SMO: variants seen among roughly 807,000 people sequenced by gnomAD.
SMO encodes the protein protein smoothened.
A neutral mutation model predicts 81.6 loss-of-function variants in SMO; 40 were observed. The ratio of observed to expected loss-of-function variants is 0.49; its 90% CI spans 0.38 to 0.64. The LOEUF (loss-of-function observed/expected upper bound fraction) is 0.64, where lower values mean the gene tolerates loss of function less well. SMO is among the 30% of genes least tolerant of loss of function. The pLI is 0.00. For missense variants in SMO, 916 were observed against 1,061.1 expected, an observed-to-expected ratio of 0.86 and a Z score of 1.90; for synonymous variants, 434 against 432.1, an observed-to-expected ratio of 1.00 and a Z score of -0.05.
rs570242755 is a variant in SMO at position 129,189,198 on chromosome 7, GGCTGCTGCT to G, written c.61_69del (p.Leu21_Leu23del). ...CGGGGGCCGGAGCTCCCGCTCCTGG[GGCTGCTGCT>G]GCTGCTGCTGCTGGGGGACCCGGGC... is the stretch of plus-strand genomic sequence containing the variant. On this transcript the variant is annotated inframe_deletion, in exon 1 of 12. Transcript: ENST00000249373. The surrounding 1 kb of genome is among the most constrained non-coding windows in gnomAD (Gnocchi z 4.7). The G allele has an allele frequency of 8.7e-7, 1 of 1,147,270 alleles. No homozygotes were observed. The highest frequency in any genetic ancestry group is 1.1e-6 in the Non-Finnish European group (1 of 913,998). 71.1% of individuals were successfully genotyped at this position (1,147,270 alleles called of 1,614,324 possible). A position where few individuals can be genotyped will look rare whatever the true frequency, so the allele number is the denominator to read the frequency against.
intron 1 of SMO, among the ~76,000 whole-genome samples, chr7:129,201,069 C>T (rs1028578856): frequency 6.6e-6 from 1 of 151,750 alleles, no homozygotes; most frequent in African/African-American, 2.4e-5. Context: ...TTTTTCGAGA[C>T]GGGGCCTTGC....
intron 1 of SMO, among the ~76,000 whole-genome samples, chr7:129,196,007 A>G (rs1409331424): frequency 1.3e-5 from 2 of 151,332 alleles, no homozygotes; most frequent in Non-Finnish European, 2.9e-5. Context: ...AGGCTGAGGC[A>G]GGAAAATGGT....
intron 1 of SMO, among the ~76,000 whole-genome samples, chr7:129,198,092 T>A (rs1793614186): frequency 6.6e-6 from 1 of 152,208 alleles, no homozygotes; most frequent in South Asian, 2.1e-4. Context: ...TATTTTGTTT[T>A]TAAGCTCAAG....
chr7:129,189,336 G>C lies in SMO; in HGVS notation c.185G>C (p.Ser62Thr). Residue 62 changes from serine (S) to threonine (T), a missense_variant, in exon 1 of 12, where the codon AGC becomes ACC. By Grantham distance (58) the Ser-to-Thr change is moderately conservative. Around this residue, in one of 4 missense-constraint regions of SMO, gnomAD observed 146 missense variants for 149.9 expected, o/e 0.97. Transcript: ENST00000249373. This position sits in a 1 kb window ranked among gnomAD's most constrained non-coding sequence, Gnocchi z 4.7. The stretch of plus-strand genomic sequence containing the variant: ...GTGACTGGCCCTCCGCCGCCGCTGA[G>C]CCACTGCGGCCGGGCTGCCCCCTGC... ...AAVTGPPPPL[S>T]HCGRAAPCEP... 1 of 1,515,762 alleles carries C rather than the reference G, an allele frequency of 6.6e-7. No homozygotes were observed. 93.9% of individuals were successfully genotyped at this position (1,515,762 alleles called of 1,614,324 possible). A position where few individuals can be genotyped will look rare whatever the true frequency, so the allele number is the denominator to read the frequency against.
In SMO at chr7:129,211,244, G is replaced by A. The variant is rs191561430; in HGVS notation, c.1801+131G>A. ...TGAGGAGCAAGGCGCTCCCTCCATC[G>A]CTCACACACCCATTCTTCCCCCGGC... On this transcript the variant is annotated intron_variant, in intron 10 of 11. Transcript: ENST00000249373. This position sits in a 1 kb window ranked among gnomAD's most constrained non-coding sequence, Gnocchi z 4.6. 14 of 975,384 alleles carry A rather than the reference G, an allele frequency of 1.4e-5. No individual in the cohort carries two copies. Among genetic ancestry groups the A allele is most frequent in the Non-Finnish European group, 2.0e-5 (13 of 637,872 alleles). 60.4% of individuals were successfully genotyped at this position (975,384 alleles called of 1,614,324 possible). A position where few individuals can be genotyped will look rare whatever the true frequency, so the allele number is the denominator to read the frequency against.
intron 1 of SMO, among the ~76,000 whole-genome samples, chr7:129,193,797 T>A (rs1365321908): frequency 4.5e-4 from 41 of 90,408 alleles, no homozygotes; most frequent in Non-Finnish European, 4.7e-4. Context: ...TATATATATA[T>A]ATATATATAT....
At position 129,204,218 on chromosome 7, in the gene SMO, A is replaced by C. The variant is rs975033320; in HGVS notation, c.537+629A>C. 2.6e-4 allele frequency among the ~76,000 whole-genome samples: 39 copies of C among 152,100 alleles called. 1 individual carries two copies. The highest frequency in any genetic ancestry group is 9.4e-4 in the African/African-American group (39 of 41,408). On this transcript the variant is annotated intron_variant, in intron 2 of 11. Transcript: ENST00000249373. Reference sequence around the variant, plus strand: ...TGTCATGGTGTGCGCCTGTAGTCCCAGCTACTCGGGAGGCTGAGACACGAG... The same window carrying C: ...TGTCATGGTGTGCGCCTGTAGTCCCCGCTACTCGGGAGGCTGAGACACGAG...
chr7:129,201,742 G>A (rs1279024563), intron 1 of SMO, among the ~76,000 whole-genome samples: 1 of 151,774 alleles, frequency 6.6e-6, no homozygotes, highest in Non-Finnish European at 1.5e-5. Flanking sequence ...GTGCAGTGGC[G>A]CCATCTCAGC....
chr7:129,196,534 A>T (rs1429440161), intron 1 of SMO, among the ~76,000 whole-genome samples: 1 of 152,102 alleles, frequency 6.6e-6, no homozygotes, highest in Admixed American at 6.6e-5. Context: ...AAAAAGAGAC[A>T]TCTTTACAAT....
In SMO at chr7:129,206,856, T is replaced by G. The variant is rs1169113741; in HGVS notation, c.1264+269T>G. 2.0e-5 allele frequency among the ~76,000 whole-genome samples: 3 copies of G among 152,180 alleles called. No individual in the cohort carries two copies. Among genetic ancestry groups the G allele is most frequent in the Non-Finnish European group, 4.4e-5 (3 of 67,998 alleles). ...ACAGCTTGTTTTTTTTGTTTGTTTT[T>G]GTTTTTGAGACAGAGTCTAGCTCTG... On this transcript the variant is annotated intron_variant, in intron 6 of 11. Transcript: ENST00000249373. The surrounding 1 kb of genome is among the most constrained non-coding windows in gnomAD (Gnocchi z 4.4).
rs1793437683 is a variant in SMO, at chr7:129,188,959, G to A, written c.-193G>A. The A allele has an allele frequency of 1.6e-5, 6 of 378,438 alleles. No homozygotes were observed. Among genetic ancestry groups the A allele is most frequent in the Non-Finnish European group, 2.3e-5 (5 of 219,114 alleles). The allele number at this position is 378,438 out of a possible 1,614,324, so 23.4% of individuals were successfully genotyped here. A position where few individuals can be genotyped will look rare whatever the true frequency, so the allele number is the denominator to read the frequency against. On this transcript the variant is annotated 5_prime_UTR_variant, in exon 1 of 12. Coordinates refer to ENST00000249373, the MANE Select transcript of SMO (RefSeq NM_005631.5). The surrounding 1 kb of genome is among the most constrained non-coding windows in gnomAD (Gnocchi z 4.9). Reference sequence around the variant, plus strand: ...CTCCGCAGCCCAACATGGGCCCCGGGTTCCAAAGTTTGCGAAGTTGGGCGC... The same window carrying A: ...CTCCGCAGCCCAACATGGGCCCCGGATTCCAAAGTTTGCGAAGTTGGGCGC...
At chr7:129,192,814 A>G (rs959534749) in intron 1 of SMO, among the ~76,000 whole-genome samples, 1 of 152,210 alleles carries the variant, frequency 6.6e-6, no homozygotes, top group African/African-American at 2.4e-5. Flanking sequence ...CGTGTGAATT[A>G]GAGATGCTCA....
intron 1 of SMO, among the ~76,000 whole-genome samples, chr7:129,199,374 T>C (rs907960327): frequency 1.3e-5 from 2 of 151,946 alleles, no homozygotes; most frequent in African/African-American, 4.8e-5. Flanking sequence ...TAGAGACGGG[T>C]TTTCACCATG....
intron 1 of SMO, among the ~76,000 whole-genome samples, chr7:129,202,865 T>C (rs1217434641): frequency 1.3e-5 from 2 of 152,128 alleles, no homozygotes; most frequent in African/African-American, 2.4e-5. Flanking sequence ...ACCAGAGGCA[T>C]TACCACTCCC....
intron 1 of SMO, among the ~76,000 whole-genome samples, chr7:129,199,817 A>C (rs1584657797): frequency 6.6e-6 from 1 of 152,330 alleles, no homozygotes; most frequent in East Asian, 1.9e-4. Flanking sequence ...AACTACAACG[A>C]AATATTCTTT....
At position 129,208,953 on chromosome 7, in the gene SMO, A is replaced by G. The variant is rs1793818562; in HGVS notation, c.1357+102A>G. 1 of 785,032 alleles carries G rather than the reference A, an allele frequency of 1.3e-6. No individual in the cohort carries two copies. Among genetic ancestry groups the G allele is most frequent in the Admixed American group, 2.0e-5 (1 of 49,800 alleles). 48.6% of individuals were successfully genotyped at this position (785,032 alleles called of 1,614,324 possible). ...CAGGATGCAGTAAGTCAGTGGGACAAGTTAGCCATAGGGACAAGGACAAGG... is the reference window on the plus strand; with the variant it reads ...CAGGATGCAGTAAGTCAGTGGGACAGGTTAGCCATAGGGACAAGGACAAGG... On this transcript the variant is annotated intron_variant, in intron 7 of 11. Transcript: ENST00000249373. This position sits in a 1 kb window ranked among gnomAD's most constrained non-coding sequence, Gnocchi z 5.2.
Position 129,193,785 on chromosome 7 carries a change from AATATATATATATATATAT to A in SMO, c.331+4318_331+4335del, listed in dbSNP as rs71526088. Among the ~76,000 whole-genome samples the A allele has an allele frequency of 2.0e-3, 52 of 26,354 alleles. 1 individual carries two copies. Among genetic ancestry groups the A allele is most frequent in the African/African-American group, 8.6e-3 (51 of 5,904 alleles). 17.3% of individuals were successfully genotyped at this position (26,354 alleles called of 152,430 possible). ...AAAAAAAAAAAAAAAAAAAAAAAAAAATATATATATATATATATATATATATATATATGTATAGGCTGG... is the reference window on the plus strand; with the variant it reads ...AAAAAAAAAAAAAAAAAAAAAAAAAAATATATATATATATGTATAGGCTGG... On this transcript the variant is annotated intron_variant, in intron 1 of 11. Coordinates refer to ENST00000249373, the MANE Select transcript of SMO (RefSeq NM_005631.5).
intron 1 of SMO, among the ~76,000 whole-genome samples, chr7:129,199,117 T>G (rs1240628690): frequency 6.6e-6 from 1 of 152,026 alleles, no homozygotes; most frequent in Non-Finnish European, 1.5e-5. Flanking sequence ...TAATTTTTAT[T>G]CCTACCAACA....
At chr7:129,209,253 C>CT (rs779493746) in intron 7 of SMO, 36 bp from the exon 8 acceptor site, 46 of 1,279,278 alleles carry the variant, frequency 3.6e-5, no homozygotes, top group Non-Finnish European at 4.9e-5. Flanking sequence ...CGGGACTGGG[C>CT]TTGGTAACGT....
Sources: allele counts gnomAD v4.1 joint callset (sites outside exome capture counted in the v4.1 genomes callset), GRCh38; gene constraint gnomAD v4.1.1; regional missense constraint gnomAD v4.1.1; non-coding constraint Gnocchi (gnomAD v3.1); transcripts MANE v1.5; gene names NCBI Gene and HGNC (gene_info 2026-07-23, HGNC 2026-07-21).